CDH1: variants seen among roughly 807,000 people sequenced by gnomAD.
The protein encoded by CDH1 is cadherin 1.
Under a neutral mutation model 84.5 loss-of-function variants are expected in CDH1, and 35 were observed. The ratio of observed to expected loss-of-function variants is 0.41; its 90% CI spans 0.32 to 0.55. The LOEUF (loss-of-function observed/expected upper bound fraction) is 0.55. Among genes scored for constraint, CDH1 ranks in the 20% least tolerant of loss-of-function variants. The pLI, the probability that CDH1 is intolerant of heterozygous loss-of-function variation, is 0.19. For missense variants in CDH1, 994 were observed against 1,126.6 expected (o/e 0.88, Z 1.68); for synonymous variants, 417 against 439.0 (o/e 0.95, Z 0.63).
intron 2 of CDH1, among the ~76,000 whole-genome samples, chr16:68,758,809 A>AT (rs71268475): frequency 0.069 from 9,878 of 142,300 alleles, 1,059 homozygotes; most frequent in African/African-American, 0.23. Context: ...TTTGAGTGCA[A>AT]TTTTTTTTTT....
intron 2 of CDH1, chr16:68,742,701 G>A (rs57474780): frequency 0.032 from 4,924 of 152,192 alleles, 267 homozygotes; most frequent in African/African-American, 0.11. Context: ...GATTACAGGC[G>A]TGAGCCACTG....
At chr16:68,791,525 T>C (rs1483231042) in intron 2 of CDH1, among the ~76,000 whole-genome samples, 2 of 150,938 alleles carry the variant, frequency 1.3e-5, no homozygotes, top group Non-Finnish European at 3.0e-5. Context: ...TGTGCTCAGG[T>C]GATCCTCCTG....
intron 2 of CDH1, among the ~76,000 whole-genome samples, chr16:68,743,359 C>CTTTTCTTTTCT (rs373698881): frequency 1.3e-3 from 75 of 55,620 alleles, no homozygotes; most frequent in African/African-American, 2.1e-3. Context: ...TTCTTTCTTT[C>CTTTTCTTTTCT]TTTCTTTTCT....
chr16:68,803,649 G>C (rs778074829), intron 3 of CDH1, among the ~76,000 whole-genome samples: 2 of 152,100 alleles, frequency 1.3e-5, no homozygotes, highest in Admixed American at 1.3e-4. Context: ...GCCCACCTCA[G>C]CCTCCCAAAG....
intron 2 of CDH1, among the ~76,000 whole-genome samples, chr16:68,773,294 CTTT>C (rs750916649): frequency 1.4e-5 from 2 of 138,802 alleles, no homozygotes; most frequent in Admixed American, 7.3e-5. Flanking sequence ...AGTTATTTTC[CTTT>C]TTTTTTTTTT....
intron 2 of CDH1, among the ~76,000 whole-genome samples, chr16:68,767,470 T>C (rs377022069): frequency 3.3e-5 from 5 of 152,196 alleles, no homozygotes; most frequent in East Asian, 1.9e-4. Context: ...AGTGCTGGGA[T>C]TATAGGCCTG....
intron 2 of CDH1, among the ~76,000 whole-genome samples, chr16:68,796,962 A>AC (rs1443522974): frequency 1.3e-5 from 2 of 152,024 alleles, no homozygotes; most frequent in Non-Finnish European, 2.9e-5. Flanking sequence ...ACGTGGCAAA[A>AC]CCCCATCTAG....
At chr16:68,773,927 T>C (rs1159884844) in intron 2 of CDH1, among the ~76,000 whole-genome samples, 2 of 152,208 alleles carry the variant, frequency 1.3e-5, no homozygotes, top group Non-Finnish European at 2.9e-5. Context: ...TTTTATTTAT[T>C]TATTTTTAAG....
intron 2 of CDH1, among the ~76,000 whole-genome samples, chr16:68,795,933 G>A (rs1960345948): frequency 1.3e-5 from 2 of 151,914 alleles, no homozygotes; most frequent in South Asian, 4.2e-4. Flanking sequence ...GGCGGCCAAG[G>A]CAGGCGGATC....
At chr16:68,818,260 GA>G (rs993742961) in intron 10 of CDH1, among the ~76,000 whole-genome samples, 8 of 142,074 alleles carry the variant, frequency 5.6e-5, no homozygotes, top group South Asian at 2.2e-4. Flanking sequence ...AAAAAGAAAA[GA>G]AAAAAAAAGA....
rs869187109 is a variant in CDH1 at position 68,825,803 on chromosome 16, C to CTTTT, written c.2164+2199_2164+2202dup. Among the ~76,000 whole-genome samples, 29 of 94,514 alleles carry CTTTT rather than the reference C, an allele frequency of 3.1e-4. 1 individual carries two copies. Among genetic ancestry groups the CTTTT allele is most frequent in the African/African-American group, 7.1e-4 (15 of 21,072 alleles). The allele number at this position is 94,514 out of a possible 152,430, so 62.0% of individuals were successfully genotyped here. A position where few individuals can be genotyped will look rare whatever the true frequency, so the allele number is the denominator to read the frequency against. ...CCAGTACATTCATTCTAAAGGGAAT[C>CTTTT]TTTTTTTTTTTTTTTTTTTTTTTTT... On this transcript the variant is annotated intron_variant, in intron 13 of 15. Transcript: ENST00000261769.
At chr16:68,794,158 G>A (rs184280431) in intron 2 of CDH1, among the ~76,000 whole-genome samples, 6 of 150,212 alleles carry the variant, frequency 4.0e-5, no homozygotes, top group Non-Finnish European at 5.9e-5. Flanking sequence ...TCAGCCTCCC[G>A]AGTAGCTGGG....
At chr16:68,756,994 C>T (rs954872880) in intron 2 of CDH1, among the ~76,000 whole-genome samples, 17 of 152,128 alleles carry the variant, frequency 1.1e-4, no homozygotes, top group African/African-American at 3.9e-4. Flanking sequence ...CAGAGCGAGA[C>T]GCTCTCTCAA....
intron 2 of CDH1, among the ~76,000 whole-genome samples, chr16:68,788,104 G>T (rs1398594624): frequency 6.6e-6 from 1 of 152,168 alleles, no homozygotes; most frequent in African/African-American, 2.4e-5. Context: ...TGGGATTACA[G>T]GTGTGAGCCA....
intron 3 of CDH1, 104 bp downstream of exon 3, chr16:68,801,997 T>A: frequency 2.1e-6 from 2 of 967,270 alleles, no homozygotes; most frequent in Non-Finnish European, 3.2e-6. Context: ...GATGATTTTG[T>A]GTTGTAGGGG....
chr16:68,749,526 A>G (rs572543480), intron 2 of CDH1, among the ~76,000 whole-genome samples: 1 of 152,332 alleles, frequency 6.6e-6, no homozygotes, highest in African/African-American at 2.4e-5. Flanking sequence ...TGTTTACTTG[A>G]AGGTGGCCAG....
intron 10 of CDH1, 56 bp downstream of exon 10, chr16:68,815,815 T>C (rs1348873325): frequency 1.3e-6 from 2 of 1,585,214 alleles, no homozygotes; most frequent in East Asian, 2.2e-5. Flanking sequence ...TATATCATTT[T>C]ATATGTAAAT....
At chr16:68,792,417 A>G (rs532946886) in intron 2 of CDH1, among the ~76,000 whole-genome samples, 6 of 152,158 alleles carry the variant, frequency 3.9e-5, no homozygotes, top group African/African-American at 1.4e-4. Flanking sequence ...TTTGGTAGAG[A>G]CAGAGTTTCA....
chr16:68,765,780 A>G (rs1959361750), intron 2 of CDH1, among the ~76,000 whole-genome samples: 1 of 151,704 alleles, frequency 6.6e-6, no homozygotes, highest in African/African-American at 2.4e-5. Context: ...CTCATGGGAA[A>G]TTTCCCTGTC....
Sources: allele counts gnomAD v4.1 joint callset (sites outside exome capture counted in the v4.1 genomes callset), GRCh38; gene constraint gnomAD v4.1.1; transcripts MANE v1.5; gene names NCBI Gene and HGNC (gene_info 2026-07-23, HGNC 2026-07-21).